The following WDR38 variants were observed in gnomAD, a reference collection of about 807,000 sequenced individuals.
WDR38 encodes the protein WD repeat domain 38, also known as WD repeat-containing protein 38.
WDR38 carries 37 observed loss-of-function variants against 36.6 expected under a neutral mutation model. That is an observed-to-expected ratio of 1.01 (90% CI 0.78 to 1.33). WDR38 has a LOEUF of 1.33. Among genes scored for constraint, WDR38 ranks in the 40% most tolerant of loss-of-function variants. The pLI is 0.00. For synonymous variants in WDR38, 164 were observed against 168.1 expected (o/e 0.98, Z 0.19); for missense variants, 411 against 414.6 (o/e 0.99, Z 0.07).
At chr9:124,855,221 A>C (rs1400887790) in intron 2 of WDR38, among the ~76,000 whole-genome samples, 1 of 152,240 alleles carries the variant, frequency 6.6e-6, no homozygotes, top group Non-Finnish European at 1.5e-5. Context: ...CGATGCAAGC[A>C]AAGTACCTAG....
In WDR38 at chr9:124,855,975, G is replaced by A; in HGVS notation, c.405+17G>A. The A allele has an allele frequency of 6.2e-7, 1 of 1,613,666 alleles. No individual in the cohort carries two copies. The highest frequency in any genetic ancestry group is 8.5e-7 in the Non-Finnish European group (1 of 1,179,664). On this transcript the variant is annotated intron_variant, in intron 4 of 8. Transcript: ENST00000373574. Reference sequence around the variant, plus strand: ...GATGTGCAGGTACGTTGAGGGGCTGGGGCCACCAGTCTGGGATTCAAGGAC... The same window carrying A: ...GATGTGCAGGTACGTTGAGGGGCTGAGGCCACCAGTCTGGGATTCAAGGAC...
Position 124,856,475 on chromosome 9 carries a change from G to T in WDR38, c.493G>T (p.Gly165Cys). ...FSPTVNCLAT[G>C]SWDSTVHIWD... ...TCACAGAAGCTGCCTGCAGGCCACC[G>T]GCTCCTGGGACTCCACCGTACACAT... The change falls in exon 6 of 9, where the codon GGC becomes TGC. Residue 165 changes from glycine to cysteine, a missense_variant. Transcript: ENST00000373574. 6.2e-7 allele frequency: 1 copy of T among 1,612,140 alleles called. No individual in the cohort carries two copies.
At position 124,856,505 on chromosome 9, in the gene WDR38, G is replaced by A; in HGVS notation, c.523G>A (p.Asp175Asn). 1 of 1,612,350 alleles carries A rather than the reference G, an allele frequency of 6.2e-7. No individual in the cohort carries two copies. Among genetic ancestry groups the A allele is most frequent in the East Asian group, 2.2e-5 (1 of 44,794 alleles). ...GSWDSTVHIW[D>N]LRMVTPAVSH... ...CTGGGACTCCACCGTACACATCTGG[G>A]ACCTGCGGATGGTGACCCCAGCAGT... The change falls in exon 6 of 9, where the codon GAC becomes AAC. Residue 175 changes from aspartate (D) to asparagine (N), a missense_variant. Physicochemically the swap from Asp to Asn is conservative, Grantham distance 23. Coordinates refer to ENST00000373574, the MANE Select transcript of WDR38 (RefSeq NM_001045476.3).
chr9:124,856,656 A>C, intron 6 of WDR38, 56 bp downstream of exon 6: 1 of 1,612,560 alleles, frequency 6.2e-7, no homozygotes, highest in Non-Finnish European at 8.5e-7. Context: ...CAGGCCCTTA[A>C]GGGTCCCAGG....
chr9:124,854,755 G>A (rs113026842), intron 2 of WDR38, among the ~76,000 whole-genome samples: 54 of 152,178 alleles, frequency 3.5e-4, no homozygotes, highest in Admixed American at 2.0e-3. Context: ...TAGTAGAGAC[G>A]GGGTTTCACC....
At position 124,854,258 on chromosome 9, in the gene WDR38, A is replaced by C; in HGVS notation, c.123A>C (p.Glu41Asp). 1 of 1,613,952 alleles carries C rather than the reference A, an allele frequency of 6.2e-7. No homozygotes were observed. Among genetic ancestry groups the C allele is most frequent in the East Asian group, 2.2e-5 (1 of 44,856 alleles). ...GCCAGATGCTGCTCACAGGCTCAGA[A>C]GATGGCTGCGTGTATGGCTGGGAGA... is the stretch of plus-strand genomic sequence containing the variant. The part of the protein sequence containing the change: ...PDGQMLLTGS[E>D]DGCVYGWETR... The change falls in exon 2 of 9, where the codon GAA (glutamate) becomes GAC (aspartate). Residue 41 changes from glutamate to aspartate, a missense_variant. Transcript: ENST00000373574.
At position 124,854,290 on chromosome 9, in the gene WDR38, G is replaced by A. The variant is rs34242354; in HGVS notation, c.155G>A (p.Ser52Asn). 6.2e-7 allele frequency: 1 copy of A among 1,614,072 alleles called. No individual in the cohort carries two copies. Residue 52 changes from serine to asparagine, a missense_variant, in exon 2 of 9, where the codon AGT becomes AAT. Coordinates refer to ENST00000373574, the MANE Select transcript of WDR38 (RefSeq NM_001045476.3). ...TGCGTGTATGGCTGGGAGACCCGGA[G>A]TGGGCAGCTGCTGTGGAGGCTGGGT... is the stretch of plus-strand genomic sequence containing the variant. ...DGCVYGWETRSGQLLWRLGGH... is the reference protein window; with the variant it reads ...DGCVYGWETRNGQLLWRLGGH...
At chr9:124,853,672 G>C in intron 1 of WDR38, 72 bp downstream of exon 1, 1 of 1,147,814 alleles carries the variant, frequency 8.7e-7, no homozygotes. Context: ...GTGTAGTGGG[G>C]GTTCCAGAAT....
At chr9:124,856,383 G>T (rs988319118) in intron 5 of WDR38, 63 bp downstream of exon 5, 33 of 1,613,342 alleles carry the variant, frequency 2.0e-5, no homozygotes, top group Non-Finnish European at 2.8e-5. Context: ...GAGCTGAGTG[G>T]TGGGAAGGGG....
At chr9:124,856,177 G>T (rs1829057575) in intron 4 of WDR38, 63 bp from the exon 5 acceptor site, 1 of 1,608,016 alleles carries the variant, frequency 6.2e-7, no homozygotes, top group Admixed American at 1.7e-5. Context: ...CCCTTTCCTG[G>T]ACTGTCAAGG....
At chr9:124,854,513 A>C (rs201997848) in intron 2 of WDR38, among the ~76,000 whole-genome samples, 188 bp downstream of exon 2, 97 of 124,708 alleles carry the variant, frequency 7.8e-4, no homozygotes, top group African/African-American at 2.6e-3. Context: ...CTTCTTTAAA[A>C]ACACACACAC....
chr9:124,854,090 T>A, intron 1 of WDR38, 115 bp from the exon 2 acceptor site: 4 of 1,509,536 alleles, frequency 2.6e-6, no homozygotes, highest in Non-Finnish European at 3.6e-6. Context: ...GGTGGTGGAG[T>A]GAGGCTTGAA....
intron 6 of WDR38, 62 bp downstream of exon 6, chr9:124,856,662 C>G: frequency 6.2e-7 from 1 of 1,612,778 alleles, no homozygotes; most frequent in Non-Finnish European, 8.5e-7. Flanking sequence ...CTTAAGGGTC[C>G]CAGGCCACTT....
rs371672493 is a variant in WDR38, at chr9:124,856,796, A to T, written c.683A>T (p.Gln228Leu). 10 of 1,614,220 alleles carry T rather than the reference A, an allele frequency of 6.2e-6. No homozygotes were observed. In the Admixed American group the frequency reaches 1.0e-4, roughly 16 times the overall value. The change falls in exon 7 of 9, where the codon CAA (glutamine) becomes CTA (leucine). Residue 228 changes from glutamine (Q) to leucine (L), a missense_variant. By Grantham distance (113) the Gln-to-Leu change is moderately radical. Transcript: ENST00000373574. The part of the protein sequence containing the change: ...WKPTTSSLLI[Q>L]LKGHVTWVKS... ...CCCACAACCAGCAGCCTGCTTATCC[A>T]ACTGAAGGGCCATGTCACCTGGGTG...
chr9:124,854,919 G>A (rs1184267549), intron 2 of WDR38, among the ~76,000 whole-genome samples: 1 of 152,096 alleles, frequency 6.6e-6, no homozygotes, highest in African/African-American at 2.4e-5. Flanking sequence ...TCACATTGTC[G>A]TGACACCAAT....
At chr9:124,855,419 C>T (rs1829022477) in intron 2 of WDR38, among the ~76,000 whole-genome samples, 1 of 152,130 alleles carries the variant, frequency 6.6e-6, no homozygotes, top group African/African-American at 2.4e-5. Flanking sequence ...CCTACTTTGA[C>T]TTGGGGATTG....
At chr9:124,855,525 T>G in intron 2 of WDR38, 109 bp from the exon 3 acceptor site, 3 of 1,108,734 alleles carry the variant, frequency 2.7e-6, no homozygotes, top group Non-Finnish European at 3.9e-6. Context: ...AAGCTGGAGT[T>G]TGGGTGAGGG....
intron 7 of WDR38, 130 bp from the exon 8 acceptor site, chr9:124,857,234 G>T: frequency 8.0e-7 from 1 of 1,245,972 alleles, no homozygotes; most frequent in Non-Finnish European, 1.2e-6. Context: ...GGTGGAGGTA[G>T]GTGAATCACC....
chr9:124,856,887 C>T lies in WDR38; in HGVS notation c.768+6C>T. 2.5e-6 allele frequency: 4 copies of T among 1,613,588 alleles called. No individual in the cohort carries two copies. The highest frequency in any genetic ancestry group is 1.3e-5 in the African/African-American group (1 of 75,038). ...GCGCCGGCTATTCCCGCATGGTAAC[C>T]ACCCCGGGCCCATCCTGCTCCTACC... is the stretch of plus-strand genomic sequence containing the variant. On this transcript the variant is annotated splice_donor_region_variant and intron_variant, in intron 7 of 8. Transcript: ENST00000373574.
Sources: allele counts gnomAD v4.1 joint callset (sites outside exome capture counted in the v4.1 genomes callset), GRCh38; gene constraint gnomAD v4.1.1; transcripts MANE v1.5; gene names NCBI Gene and HGNC (gene_info 2026-07-23, HGNC 2026-07-21).